The following CHSY3 variants were observed in gnomAD, a reference collection of about 807,000 sequenced individuals.
CHSY3 encodes chondroitin sulfate synthase 3, also known as N-acetylgalactosaminyl-proteoglycan 3-beta-glucuronosyltransferase 3.
A neutral mutation model predicts 67.2 loss-of-function variants in CHSY3; 35 were observed. That is an observed-to-expected ratio of 0.52 (90% CI 0.40 to 0.69). The LOEUF (loss-of-function observed/expected upper bound fraction) is 0.69. Among genes scored for constraint, CHSY3 ranks in the 30% least tolerant of loss-of-function variants. CHSY3 has a pLI of 0.00. For synonymous variants in CHSY3, 474 were observed against 434.7 expected, an observed-to-expected ratio of 1.09 and a Z score of -1.12; for missense variants, 1,069 against 1,138.5, an observed-to-expected ratio of 0.94 and a Z score of 0.88.
intron 2 of CHSY3, among the ~76,000 whole-genome samples, chr5:129,927,271 T>C (rs1378483967): frequency 1.3e-5 from 2 of 152,012 alleles, no homozygotes; most frequent in African/African-American, 4.8e-5. Context: ...ATGGTTCATT[T>C]TCTGTTAAAT....
rs181721797 is a variant in CHSY3, at chr5:129,994,814, G to A, written c.1086+86454G>A. Among the ~76,000 whole-genome samples, 514 of 150,112 alleles carry A rather than the reference G, an allele frequency of 3.4e-3. 1 individual carries two copies. Among genetic ancestry groups the A allele is most frequent in the Admixed American group, 6.0e-3 (89 of 14,872 alleles). ...TCGCAAGGACAAAAAACCAAACACC[G>A]CATGTTCTCACTCATAGGTGGGAAT... On this transcript the variant is annotated intron_variant, in intron 2 of 2. Coordinates refer to ENST00000305031, the MANE Select transcript of CHSY3 (RefSeq NM_175856.5).
At chr5:130,145,295 C>G (rs1160705719) in intron 2 of CHSY3, among the ~76,000 whole-genome samples, 1 of 152,128 alleles carries the variant, frequency 6.6e-6, no homozygotes, top group Non-Finnish European at 1.5e-5. Context: ...ATAGTTCACA[C>G]AGCTATGTCT....
chr5:130,079,966 G>C (rs1214227679), intron 2 of CHSY3, among the ~76,000 whole-genome samples: 1 of 150,330 alleles, frequency 6.7e-6, no homozygotes, highest in African/African-American at 2.4e-5. Context: ...TTGTTTGTTT[G>C]TTTTCTGCAA....
intron 2 of CHSY3, among the ~76,000 whole-genome samples, chr5:130,007,873 C>T (rs149451368): frequency 6.6e-6 from 1 of 152,222 alleles, no homozygotes; most frequent in African/African-American, 2.4e-5. Context: ...TCTCAGTGTC[C>T]CTGTCTGGCC....
intron 2 of CHSY3, among the ~76,000 whole-genome samples, chr5:130,043,649 C>A (rs1220884924): frequency 6.6e-6 from 1 of 152,088 alleles, no homozygotes; most frequent in East Asian, 1.9e-4. Flanking sequence ...GTACTGTTGC[C>A]TTCTAGTATG....
intron 2 of CHSY3, among the ~76,000 whole-genome samples, chr5:130,173,320 A>G (rs1205140826): frequency 2.0e-5 from 3 of 152,150 alleles, no homozygotes; most frequent in Non-Finnish European, 4.4e-5. Context: ...GGAAATAATT[A>G]TCAATTCACA....
At chr5:130,140,257 T>G in intron 2 of CHSY3, 58 of 316,388 alleles carry the variant, frequency 1.8e-4, no homozygotes, top group East Asian at 5.4e-4. Context: ...TCTGACTGGA[T>G]GGAGATTTGA....
At position 130,179,712 on chromosome 5, in the gene CHSY3, TG is replaced by T. The variant is rs568141132; in HGVS notation, c.1087-4515del. 1.9e-3 allele frequency among the ~76,000 whole-genome samples: 266 copies of T among 142,240 alleles called. 3 individuals are homozygous for T. The highest frequency in any genetic ancestry group is 6.2e-3 in the African/African-American group (255 of 41,122). 93.3% of individuals were successfully genotyped at this position (142,240 alleles called of 152,430 possible). ...CTTTTTTTCTGGGGGCAAAAGGAAG[TG>T]GTAGTTTTTCATCTAATTTTTTTTT... On this transcript the variant is annotated intron_variant, in intron 2 of 2. Transcript: ENST00000305031.
rs902582390 is a variant in CHSY3, at chr5:130,076,798, T to A, written c.1087-107431T>A. ...ATTGGAGTTAAAAGACTTTAAACTT[T>A]CCAATGTTTAAAATCTTTAATCATC... On this transcript the variant is annotated intron_variant, in intron 2 of 2. Coordinates refer to ENST00000305031, the MANE Select transcript of CHSY3 (RefSeq NM_175856.5). 3.9e-5 allele frequency among the ~76,000 whole-genome samples: 6 copies of A among 152,052 alleles called. No homozygotes were observed. In the East Asian group the frequency reaches 1.2e-3, roughly 29 times the overall value.
chr5:129,942,404 A>G (rs1211120826), intron 2 of CHSY3, among the ~76,000 whole-genome samples: 2 of 152,218 alleles, frequency 1.3e-5, no homozygotes, highest in African/African-American at 4.8e-5. Flanking sequence ...GGAGAATTAC[A>G]TTAGTCAACT....
intron 2 of CHSY3, among the ~76,000 whole-genome samples, chr5:129,959,454 A>G (rs1054613792): frequency 2.0e-5 from 3 of 152,130 alleles, no homozygotes; most frequent in African/African-American, 7.2e-5. Flanking sequence ...AAAATTTGAA[A>G]ACAAGGACTC....
chr5:130,057,600 G>A (rs973079874), intron 2 of CHSY3, among the ~76,000 whole-genome samples: 1 of 152,008 alleles, frequency 6.6e-6, no homozygotes, highest in Non-Finnish European at 1.5e-5. Context: ...TTCATTTTCA[G>A]AGCTGGTAGC....
chr5:129,998,898 A>C (rs1282047295), intron 2 of CHSY3, among the ~76,000 whole-genome samples: 1 of 151,944 alleles, frequency 6.6e-6, no homozygotes, highest in Non-Finnish European at 1.5e-5. Flanking sequence ...CATGTTTTTT[A>C]TGCAGAATTT....
intron 2 of CHSY3, among the ~76,000 whole-genome samples, chr5:130,095,444 C>G (rs1200491824): frequency 1.3e-5 from 2 of 152,094 alleles, no homozygotes; most frequent in East Asian, 3.9e-4. Context: ...AGCACAGAGC[C>G]AACCTGAAAG....
chr5:130,080,749 A>T (rs1478988064), intron 2 of CHSY3, among the ~76,000 whole-genome samples: 1 of 152,110 alleles, frequency 6.6e-6, no homozygotes, highest in Non-Finnish European at 1.5e-5. Flanking sequence ...GATCATAGTC[A>T]ATCTTTTAGA....
At chr5:130,092,753 A>C (rs1422092800) in intron 2 of CHSY3, among the ~76,000 whole-genome samples, 1 of 152,202 alleles carries the variant, frequency 6.6e-6, no homozygotes, top group Non-Finnish European at 1.5e-5. Flanking sequence ...GCTGTGGCAG[A>C]GGAGATGGGA....
chr5:129,947,110 A>G (rs1028198668), intron 2 of CHSY3, among the ~76,000 whole-genome samples: 1 of 152,160 alleles, frequency 6.6e-6, no homozygotes, highest in African/African-American at 2.4e-5. Flanking sequence ...GCCTCAGGAA[A>G]CTTACAATCA....
chr5:130,025,423 C>T (rs1004396097), intron 2 of CHSY3, among the ~76,000 whole-genome samples: 3 of 152,040 alleles, frequency 2.0e-5, no homozygotes, highest in Non-Finnish European at 2.9e-5. Flanking sequence ...GCTGGAGGGC[C>T]AACAGGAGGA....
chr5:130,143,558 G>A (rs1208437538), intron 2 of CHSY3, among the ~76,000 whole-genome samples: 4 of 151,156 alleles, frequency 2.6e-5, no homozygotes, highest in African/African-American at 9.7e-5. Flanking sequence ...CATTCTACTG[G>A]TTGATATTTG....
Sources: gnomAD v4.1 joint callset for allele counts (sites outside exome capture counted in the v4.1 genomes callset) on GRCh38, gnomAD v4.1.1 for gene constraint, MANE v1.5 for transcripts, NCBI Gene and HGNC (gene_info 2026-07-23, HGNC 2026-07-21) for gene names.